Variants in LTBP1 observed in about 807,000 individuals in gnomAD.
LTBP1 encodes the protein latent-transforming growth factor beta-binding protein 1.
Under a neutral mutation model 207.6 loss-of-function variants are expected in LTBP1, and 129 were observed. The ratio of observed to expected loss-of-function variants is 0.62; its 90% CI spans 0.54 to 0.72. LTBP1 has a LOEUF of 0.72. Among genes scored for constraint, LTBP1 ranks in the 30% least tolerant of loss-of-function variants. The probability of loss-of-function intolerance (pLI) is 0.00; values close to 1 mark genes in which losing one functional copy is unlikely to be tolerated. For synonymous variants in LTBP1, 963 were observed against 833.7 expected (o/e 1.16, Z -2.67); for missense variants, 2,281 against 2,217.2 (o/e 1.03, Z -0.58).
chr2:33,327,403 T>C (rs1217722336), intron 24 of LTBP1, among the ~76,000 whole-genome samples: 2 of 152,214 alleles, frequency 1.3e-5, no homozygotes, highest in Non-Finnish European at 2.9e-5. Flanking sequence ...AATGACATAA[T>C]AATTCTCCAT....
chr2:33,287,255 G>T (rs1033879363), intron 19 of LTBP1, among the ~76,000 whole-genome samples: 21 of 152,208 alleles, frequency 1.4e-4, no homozygotes, highest in Non-Finnish European at 2.8e-4. Context: ...TGTAGTACAA[G>T]TGTGGAAATT....
intron 16 of LTBP1, 141 bp downstream of exon 16, chr2:33,273,922 G>C (rs1451324036): frequency 1.7e-6 from 1 of 581,306 alleles, no homozygotes; most frequent in Non-Finnish European, 2.6e-6. Context: ...AGCTAAGGGA[G>C]CTCAAAAAAA....
chr2:32,947,444 C>T lies in LTBP1; in HGVS notation c.120C>T (p.Ala40=). The T allele has an allele frequency of 6.9e-7, 1 of 1,443,300 alleles. No homozygotes were observed. The highest frequency in any genetic ancestry group is 1.3e-5 in the South Asian group (1 of 75,116). 89.4% of individuals were successfully genotyped at this position (1,443,300 alleles called of 1,614,324 possible). ...YVVHPGPGLA[A]GALPLSGPPR... ...TGCACCCGGGCCCCGGCCTGGCAGC[C>T]GGCGCCTTGCCCCTGAGCGGGCCCC... Residue 40 remains alanine, a synonymous_variant, in exon 1 of 34, where the codon GCC becomes GCT. Transcript: ENST00000404816.
intron 10 of LTBP1, among the ~76,000 whole-genome samples, chr2:33,251,365 G>C (rs1362152223): frequency 6.6e-6 from 1 of 152,136 alleles, no homozygotes; most frequent in East Asian, 1.9e-4. Flanking sequence ...CCCTAAAAGA[G>C]ATGCTAGAGG....
intron 7 of LTBP1, among the ~76,000 whole-genome samples, chr2:33,199,466 G>A (rs901482173): frequency 5.9e-5 from 9 of 152,076 alleles, no homozygotes; most frequent in African/African-American, 1.7e-4. Context: ...GTATTGATGG[G>A]ATGTATCTCA....
chr2:32,952,659 C>G (rs1285556189), intron 2 of LTBP1, among the ~76,000 whole-genome samples: 1 of 151,942 alleles, frequency 6.6e-6, no homozygotes, highest in African/African-American at 2.4e-5. Context: ...TTTTTCTGCG[C>G]CCAAACTGAA....
chr2:33,136,498 A>T (rs369822118), intron 5 of LTBP1, among the ~76,000 whole-genome samples: 26 of 149,478 alleles, frequency 1.7e-4, no homozygotes, highest in Non-Finnish European at 2.4e-4. Context: ...GCTTAAAAAA[A>T]TTTTTTTTTT....
At chr2:33,106,806 C>T (rs891249469) in intron 3 of LTBP1, among the ~76,000 whole-genome samples, 2 of 152,194 alleles carry the variant, frequency 1.3e-5, no homozygotes, top group Non-Finnish European at 2.9e-5. Context: ...TTAAAGTCAT[C>T]AGCCACCAAC....
chr2:33,378,560 C>T (rs2095173362), intron 31 of LTBP1, among the ~76,000 whole-genome samples: 2 of 152,108 alleles, frequency 1.3e-5, no homozygotes. Flanking sequence ...ATAAAATTTG[C>T]TCTTCTTTTT....
rs556593949 is a variant in LTBP1, at chr2:33,307,098, A to T, written c.3482-2336A>T. On this transcript the variant is annotated intron_variant, in intron 22 of 33. Transcript: ENST00000404816. ...GAGACTCCATCTCAAAAACAAAACA[A>T]AACATAACTGATTGTCTACTTTACA... Among the ~76,000 whole-genome samples, 19 of 152,310 alleles carry T rather than the reference A, an allele frequency of 1.2e-4. 1 individual carries two copies. The highest frequency in any genetic ancestry group is 2.4e-4 in the Non-Finnish European group (16 of 68,032).
At chr2:33,042,163 A>T (rs555988978) in intron 3 of LTBP1, among the ~76,000 whole-genome samples, 1 of 152,290 alleles carries the variant, frequency 6.6e-6, no homozygotes, top group South Asian at 2.1e-4. Flanking sequence ...TCTTTGGTGA[A>T]GTGGACCTTT....
rs1306356115 is a variant in LTBP1, at chr2:33,115,035, T to TACACAC, written c.1033+4285_1033+4286insCACACA. On this transcript the variant is annotated intron_variant, in intron 4 of 33. Transcript: ENST00000404816. Reference sequence around the variant, plus strand: ...TGATGAAGGGATAAACAAACAGATATATACACACACACACACACACACACA... The same window carrying TACACAC: ...TGATGAAGGGATAAACAAACAGATATACACACATACACACACACACACACACACACA... Among the ~76,000 whole-genome samples the TACACAC allele has an allele frequency of 7.4e-4, 73 of 98,274 alleles. No individual in the cohort carries two copies. In the East Asian group the frequency reaches 0.011, roughly 15 times the overall value. The allele number at this position is 98,274 out of a possible 152,430, so 64.5% of individuals were successfully genotyped here. A position where few individuals can be genotyped will look rare whatever the true frequency, so the allele number is the denominator to read the frequency against.
At chr2:32,996,041 G>C (rs1017969165) in intron 2 of LTBP1, among the ~76,000 whole-genome samples, 1 of 151,970 alleles carries the variant, frequency 6.6e-6, no homozygotes, top group African/African-American at 2.4e-5. Flanking sequence ...TCCTATATAC[G>C]TATCGATATA....
chr2:32,994,747 G>A (rs1177807713), intron 2 of LTBP1, among the ~76,000 whole-genome samples: 2 of 152,172 alleles, frequency 1.3e-5, no homozygotes, highest in African/African-American at 2.4e-5. Flanking sequence ...GATTACAGGC[G>A]TGAGCCACCG....
chr2:33,057,591 C>T (rs975970788), intron 3 of LTBP1, among the ~76,000 whole-genome samples: 3 of 152,228 alleles, frequency 2.0e-5, no homozygotes, highest in African/African-American at 7.2e-5. Context: ...GCAGCTAAGG[C>T]CTGGCGAGAA....
At chr2:33,342,048 G>A (rs2094633199) in intron 24 of LTBP1, among the ~76,000 whole-genome samples, 2 of 152,158 alleles carry the variant, frequency 1.3e-5, no homozygotes, top group South Asian at 4.1e-4. Context: ...AGGAGAACGG[G>A]AAGGAAAGAA....
chr2:32,973,304 T>A (rs1416098716), intron 2 of LTBP1, among the ~76,000 whole-genome samples: 1 of 152,220 alleles, frequency 6.6e-6, no homozygotes. Context: ...ATAACTTGTT[T>A]TATGAATCTG....
intron 2 of LTBP1, among the ~76,000 whole-genome samples, chr2:33,016,182 T>C (rs1186432550): frequency 6.6e-6 from 1 of 152,142 alleles, no homozygotes; most frequent in African/African-American, 2.4e-5. Context: ...GGGCTCCCTC[T>C]GTGCAGAGAC....
chr2:33,379,134 T>C (rs1313776668), intron 31 of LTBP1, among the ~76,000 whole-genome samples: 2 of 152,018 alleles, frequency 1.3e-5, no homozygotes, highest in African/African-American at 4.8e-5. Flanking sequence ...GTGCTGATTG[T>C]ACACTGCTCA....
Sources: allele counts gnomAD v4.1 joint callset (sites outside exome capture counted in the v4.1 genomes callset), GRCh38; gene constraint gnomAD v4.1.1; transcripts MANE v1.5; gene names NCBI Gene and HGNC (gene_info 2026-07-23, HGNC 2026-07-21).